The following RIN2 variants were observed in gnomAD, a reference collection of about 807,000 sequenced individuals.
RIN2 encodes Ras and Rab interactor 2, also known as RAB5 interacting protein 2.
A neutral mutation model predicts 78.0 loss-of-function variants in RIN2; 36 were observed. The ratio of observed to expected loss-of-function variants is 0.46; its 90% CI spans 0.35 to 0.61. The LOEUF is 0.61. Among genes scored for constraint, RIN2 ranks in the 20% least tolerant of loss-of-function variants. The pLI is 0.00. For synonymous variants in RIN2, 466 were observed against 466.8 expected, an observed-to-expected ratio of 1.00 and a Z score of 0.02; for missense variants, 1,087 against 1,159.7, an observed-to-expected ratio of 0.94 and a Z score of 0.91.
At position 19,970,945 on chromosome 20, in the gene RIN2, C is replaced by T. The variant is rs1432635761; in HGVS notation, c.628+16C>T. 1 of 1,584,364 alleles carries T rather than the reference C, an allele frequency of 6.3e-7. No individual in the cohort carries two copies. Among genetic ancestry groups the T allele is most frequent in the African/African-American group, 1.3e-5 (1 of 74,338 alleles). ...ATGGGACTAAGTAAGTGTGTGCCCC[C>T]TGCCTGAGTCTATCTAAAAATGAAT... On this transcript the variant is annotated intron_variant, in intron 8 of 12. Coordinates refer to ENST00000255006, the MANE Select transcript of RIN2 (RefSeq NM_018993.4).
At chr20:20,000,511 G>C in intron 12 of RIN2, 102 bp from the exon 13 acceptor site, 1 of 885,846 alleles carries the variant, frequency 1.1e-6, no homozygotes, top group African/African-American at 1.7e-5. Flanking sequence ...GACAGGAAAG[G>C]GCCTGGAAAT....
At chr20:19,959,626 C>A (rs572586948) in intron 5 of RIN2, among the ~76,000 whole-genome samples, 1 of 152,016 alleles carries the variant, frequency 6.6e-6, no homozygotes, top group East Asian at 1.9e-4. Flanking sequence ...AAGAGAGGAG[C>A]AAAGATTAGG....
chr20:19,992,320 T>C, intron 11 of RIN2, 21 bp downstream of exon 11: 1 of 1,541,352 alleles, frequency 6.5e-7, no homozygotes, highest in Admixed American at 2.0e-5. Context: ...TTGAGAAAAG[T>C]TGAAGGAACT....
At chr20:19,777,293 C>T (rs2122488145) in intron 1 of RIN2, among the ~76,000 whole-genome samples, 1 of 152,364 alleles carries the variant, frequency 6.6e-6, no homozygotes, top group African/African-American at 2.4e-5. Flanking sequence ...CCACTAGGCC[C>T]CTTCTGCTTC....
At chr20:19,940,922 G>A (rs1007321939) in intron 4 of RIN2, among the ~76,000 whole-genome samples, 4 of 152,190 alleles carry the variant, frequency 2.6e-5, no homozygotes, top group Non-Finnish European at 5.9e-5. Flanking sequence ...CTGGGCCCAG[G>A]CTGCCTCTGC....
intron 4 of RIN2, among the ~76,000 whole-genome samples, chr20:19,950,883 C>CT (rs1568651482): frequency 8.0e-6 from 1 of 125,278 alleles, no homozygotes. Flanking sequence ...GCCTGGCTAA[C>CT]CTTTTTTTTT....
chr20:19,835,100 G>A (rs6136855), intron 2 of RIN2, among the ~76,000 whole-genome samples: 3 of 20,060 alleles, frequency 1.5e-4, no homozygotes, highest in Non-Finnish European at 5.9e-4. Flanking sequence ...AAAGAAAGAA[G>A]AAAGAAAGAA....
intron 4 of RIN2, among the ~76,000 whole-genome samples, chr20:19,954,423 C>A (rs751164439): frequency 6.6e-6 from 1 of 152,128 alleles, no homozygotes; most frequent in Admixed American, 6.5e-5. Context: ...GGCTTGATGA[C>A]CTGCTCCTTG....
chr20:19,878,486 G>A (rs773415954), intron 2 of RIN2, among the ~76,000 whole-genome samples: 1 of 152,178 alleles, frequency 6.6e-6, no homozygotes, highest in South Asian at 2.1e-4. Context: ...AAACACAGAC[G>A]AGTCTGAGAA....
intron 9 of RIN2, among the ~76,000 whole-genome samples, chr20:19,985,437 G>T (rs1444186649): frequency 1.3e-5 from 2 of 152,162 alleles, no homozygotes; most frequent in South Asian, 2.1e-4. Flanking sequence ...TTATTTTGGG[G>T]CCAGTTGATA....
intron 2 of RIN2, among the ~76,000 whole-genome samples, chr20:19,804,462 G>A (rs977141530): frequency 6.6e-6 from 1 of 152,150 alleles, no homozygotes; most frequent in Non-Finnish European, 1.5e-5. Context: ...TAATCATGTG[G>A]TTTTTATCTT....
At chr20:19,925,775 AG>A (rs944309603) in intron 3 of RIN2, among the ~76,000 whole-genome samples, 5 of 152,238 alleles carry the variant, frequency 3.3e-5, no homozygotes, top group Non-Finnish European at 7.3e-5. Context: ...CACAGATGGC[AG>A]GGGCAGTGCA....
chr20:19,801,883 T>C (rs2035254386), intron 2 of RIN2, among the ~76,000 whole-genome samples: 1 of 152,230 alleles, frequency 6.6e-6, no homozygotes, highest in Non-Finnish European at 1.5e-5. Context: ...GTTTGTCTTT[T>C]GAGGCCAAAG....
chr20:19,909,630 C>G (rs1436662215), intron 3 of RIN2, among the ~76,000 whole-genome samples: 1 of 152,184 alleles, frequency 6.6e-6, no homozygotes, highest in African/African-American at 2.4e-5. Context: ...CATCATCATG[C>G]TGGTCCCCTT....
chr20:19,859,377 G>A (rs887690255), intron 2 of RIN2, among the ~76,000 whole-genome samples: 1 of 152,218 alleles, frequency 6.6e-6, no homozygotes, highest in Non-Finnish European at 1.5e-5. Context: ...GTAACATTAG[G>A]CAAGAATAGT....
intron 2 of RIN2, among the ~76,000 whole-genome samples, chr20:19,811,085 T>C (rs546394784): frequency 1.3e-5 from 2 of 151,952 alleles, no homozygotes; most frequent in Admixed American, 1.3e-4. Context: ...AAGTACCAGA[T>C]GTATAAACCA....
chr20:19,996,789 T>C lies in RIN2; in HGVS notation c.2311T>C (p.Trp771Arg). Residue 771 changes from tryptophan (W) to arginine (R), a missense_variant, in exon 12 of 13, where the codon TGG becomes CGG. Trp to Arg is a moderately radical substitution (Grantham distance 101, BLOSUM62 -3). This residue lies in a region of RIN2 where 160 missense variants were observed against 179.4 expected (regional missense o/e 0.89). Transcript: ENST00000255006. ...SSETRDTLRQ[W>R]HKRRTTNRTI... ...AGAAACCAGAGACACCCTGAGGCAG[T>C]GGCACAAACGGAGAACCACCAACCG... 2 of 1,610,936 alleles carry C rather than the reference T, an allele frequency of 1.2e-6. No individual in the cohort carries two copies. Among genetic ancestry groups the C allele is most frequent in the East Asian group, 2.2e-5 (1 of 44,766 alleles).
chr20:19,811,135 C>T (rs115295676), intron 2 of RIN2, among the ~76,000 whole-genome samples: 1,777 of 151,556 alleles, frequency 0.012, 45 homozygotes, highest in African/African-American at 0.041. Flanking sequence ...TTATTTTGGT[C>T]CCCCTGAGAC....
chr20:19,980,155 G>C (rs1236171876), intron 9 of RIN2, among the ~76,000 whole-genome samples: 1 of 151,576 alleles, frequency 6.6e-6, no homozygotes, highest in Non-Finnish European at 1.5e-5. Context: ...TAGTACATGT[G>C]ACCCTATCGC....
Sources: gnomAD v4.1 joint callset for allele counts (sites outside exome capture counted in the v4.1 genomes callset) on GRCh38, gnomAD v4.1.1 for gene constraint, gnomAD v4.1.1 regional missense constraint, MANE v1.5 for transcripts, NCBI Gene and HGNC (gene_info 2026-07-23, HGNC 2026-07-21) for gene names.